The following KBTBD12 variants were observed in gnomAD, a reference collection of about 807,000 sequenced individuals.
The protein encoded by KBTBD12 is kelch repeat and BTB domain-containing protein 12.
Under a neutral mutation model 58.7 loss-of-function variants are expected in KBTBD12, and 53 were observed. The observed-to-expected ratio is 0.90, with a 90% CI of 0.72 to 1.14. The LOEUF (loss-of-function observed/expected upper bound fraction) is 1.14. KBTBD12 is among the 50% of genes most tolerant of loss of function. The pLI is 0.00. For missense variants in KBTBD12, 704 were observed against 751.3 expected (o/e 0.94, Z 0.74); for synonymous variants, 236 against 259.8 (o/e 0.91, Z 0.88).
chr3:127,940,477 G>C (rs1249830158), intron 4 of KBTBD12, among the ~76,000 whole-genome samples: 1 of 152,038 alleles, frequency 6.6e-6, no homozygotes, highest in Admixed American at 6.5e-5. Context: ...ATAATCCATG[G>C]GTTAAAGACG....
At chr3:127,971,311 G>A (rs936126257) in intron 5 of KBTBD12, among the ~76,000 whole-genome samples, 58 of 152,144 alleles carry the variant, frequency 3.8e-4, no homozygotes, top group African/African-American at 1.4e-3. Flanking sequence ...TGGACAGAGG[G>A]CATCTTGGTG....
intron 1 of KBTBD12, among the ~76,000 whole-genome samples, chr3:127,922,415 T>C (rs1443842470): frequency 6.6e-6 from 1 of 152,160 alleles, no homozygotes; most frequent in East Asian, 1.9e-4. Flanking sequence ...GAATTATTTG[T>C]CCCACATCAA....
Position 127,984,221 on chromosome 3 carries a change from T to G in KBTBD12, c.1815T>G (p.Asn605Lys). ...SYDVCLVARMNPRDLIPPPSD... is the reference protein window; with the variant it reads ...SYDVCLVARMKPRDLIPPPSD... ...ATGTCTGCCTAGTAGCCAGGATGAA[T>G]CCCCGAGACCTCATCCCCCCGCCTT... Residue 605 changes from asparagine (N) to lysine (K), a missense_variant, in exon 6 of 6, where the codon AAT becomes AAG. Transcript: ENST00000405109. 4 of 1,613,878 alleles carry G rather than the reference T, an allele frequency of 2.5e-6. No homozygotes were observed. Among genetic ancestry groups the G allele is most frequent in the Non-Finnish European group, 3.4e-6 (4 of 1,179,858 alleles).
intron 4 of KBTBD12, among the ~76,000 whole-genome samples, chr3:127,960,818 G>C (rs1940424406): frequency 6.6e-6 from 1 of 152,184 alleles, no homozygotes. Context: ...AATAGAAAGG[G>C]CTAGTTTTGT....
chr3:127,937,306 G>A (rs1012460369), intron 4 of KBTBD12, among the ~76,000 whole-genome samples: 2 of 152,024 alleles, frequency 1.3e-5, no homozygotes, highest in African/African-American at 4.8e-5. Flanking sequence ...AATATCACCA[G>A]GAAATAGAAA....
intron 1 of KBTBD12, among the ~76,000 whole-genome samples, chr3:127,920,479 A>G (rs1939374105): frequency 6.6e-6 from 1 of 151,756 alleles, no homozygotes; most frequent in South Asian, 2.1e-4. Flanking sequence ...TTATTTCCAA[A>G]TTTTTGCTAT....
rs2107620446 is a variant in KBTBD12 at position 127,986,094 on chromosome 3, G to A, written c.*1816G>A. ...TCCACCTGCTTGAAAAGTCCAGAAA[G>A]CTGCCGCGTCTCCCTGGCTCAAGGA... On this transcript the variant is annotated 3_prime_UTR_variant, in exon 6 of 6. Coordinates refer to ENST00000405109, the MANE Select transcript of KBTBD12 (RefSeq NM_207335.4). 6.6e-6 allele frequency: 1 copy of A among 152,644 alleles called. No homozygotes were observed. The allele number at this position is 152,644 out of a possible 1,614,324, so 9.5% of individuals were successfully genotyped here. A position where few individuals can be genotyped will look rare whatever the true frequency, so the allele number is the denominator to read the frequency against.
chr3:127,959,959 T>C (rs145188600), intron 4 of KBTBD12, among the ~76,000 whole-genome samples: 85 of 152,358 alleles, frequency 5.6e-4, no homozygotes, highest in African/African-American at 2.0e-3. Context: ...TAAATATATG[T>C]ACATTTTTCC....
At chr3:127,949,220 C>T (rs1311994911) in intron 4 of KBTBD12, among the ~76,000 whole-genome samples, 1 of 152,102 alleles carries the variant, frequency 6.6e-6, no homozygotes, top group Non-Finnish European at 1.5e-5. Flanking sequence ...TTGGGGTTTG[C>T]CCAACAGAGC....
chr3:127,933,837 CAG>C (rs2107595217), intron 4 of KBTBD12, among the ~76,000 whole-genome samples: 1 of 152,128 alleles, frequency 6.6e-6, no homozygotes, highest in African/African-American at 2.4e-5. Context: ...TTTCTGAAAA[CAG>C]AGGGGAAACT....
At chr3:127,952,040 A>G (rs1486083561) in intron 4 of KBTBD12, among the ~76,000 whole-genome samples, 1 of 152,192 alleles carries the variant, frequency 6.6e-6, no homozygotes, top group East Asian at 1.9e-4. Flanking sequence ...GCTAAATCTG[A>G]TTACATTTTT....
At chr3:127,940,089 A>G (rs1390611571) in intron 4 of KBTBD12, among the ~76,000 whole-genome samples, 1 of 152,222 alleles carries the variant, frequency 6.6e-6, no homozygotes, top group Non-Finnish European at 1.5e-5. Flanking sequence ...GTACCTAACA[A>G]CAGAACCAAA....
intron 4 of KBTBD12, among the ~76,000 whole-genome samples, chr3:127,946,469 G>A (rs562777138): frequency 8.2e-4 from 125 of 152,260 alleles, no homozygotes; most frequent in African/African-American, 2.8e-3. Context: ...GGCTTTCATA[G>A]TTTTTATTTA....
In KBTBD12 at chr3:127,973,977, G is replaced by A. The variant is rs151197653; in HGVS notation, c.1691-10120G>A. Among the ~76,000 whole-genome samples the A allele has an allele frequency of 4.6e-5, 7 of 152,216 alleles. No homozygotes were observed. The East Asian group carries it at 1.4e-3, about 29-fold the overall frequency. On this transcript the variant is annotated intron_variant, in intron 5 of 5. Coordinates refer to ENST00000405109, the MANE Select transcript of KBTBD12 (RefSeq NM_207335.4). ...ATTGTACTAAACTTATGATATCCTG[G>A]AGGAGAGTTACTATTTTCATTTTCA...
intron 5 of KBTBD12, among the ~76,000 whole-genome samples, chr3:127,983,830 C>T (rs1940918228): frequency 6.6e-6 from 1 of 152,126 alleles, no homozygotes; most frequent in Admixed American, 6.5e-5. Flanking sequence ...CAAATGCCCA[C>T]TCCCCTTCCA....
At chr3:127,915,884 G>T (rs73860727) in intron 1 of KBTBD12, among the ~76,000 whole-genome samples, 7 of 152,164 alleles carry the variant, frequency 4.6e-5, no homozygotes, top group Non-Finnish European at 8.8e-5. Flanking sequence ...TGTGCCTTCC[G>T]TCGCTAGACT....
chr3:127,928,700 C>T (rs1674722079), intron 3 of KBTBD12, among the ~76,000 whole-genome samples: 1 of 152,238 alleles, frequency 6.6e-6, no homozygotes, highest in Admixed American at 6.5e-5. Flanking sequence ...ACTTCAGCTG[C>T]CTCATGCCCT....
At chr3:127,965,131 C>A (rs1435281191) in intron 5 of KBTBD12, among the ~76,000 whole-genome samples, 2 of 152,206 alleles carry the variant, frequency 1.3e-5, no homozygotes, top group Non-Finnish European at 2.9e-5. Context: ...GGGTTAGCCT[C>A]CAGAGGGATA....
At chr3:127,971,016 G>A (rs544335835) in intron 5 of KBTBD12, among the ~76,000 whole-genome samples, 1 of 152,288 alleles carries the variant, frequency 6.6e-6, no homozygotes, top group African/African-American at 2.4e-5. Flanking sequence ...ACAGTAATCA[G>A]CTTGGTGTTT....
Sources: gnomAD v4.1 joint callset for allele counts (sites outside exome capture counted in the v4.1 genomes callset) on GRCh38, gnomAD v4.1.1 for gene constraint, MANE v1.5 for transcripts, NCBI Gene and HGNC (gene_info 2026-07-23, HGNC 2026-07-21) for gene names.